NR3C2: variants seen among roughly 807,000 people sequenced by gnomAD.
The protein encoded by NR3C2 is mineralocorticoid receptor.
A neutral mutation model predicts 86.4 loss-of-function variants in NR3C2; 15 were observed. The observed-to-expected ratio is 0.17, with a 90% CI of 0.12 to 0.27. NR3C2 has a LOEUF of 0.27. NR3C2 is among the 10% of genes least tolerant of loss of function. The pLI, the probability that NR3C2 is intolerant of heterozygous loss-of-function variation, is 1.00. For missense variants in NR3C2, 960 were observed against 1,195.6 expected, an observed-to-expected ratio of 0.80 and a Z score of 2.91; for synonymous variants, 458 against 450.5, an observed-to-expected ratio of 1.02 and a Z score of -0.21.
intron 4 of NR3C2, among the ~76,000 whole-genome samples, chr4:148,180,728 A>G (rs926961710): frequency 6.6e-6 from 1 of 152,082 alleles, no homozygotes; most frequent in Non-Finnish European, 1.5e-5. Flanking sequence ...CTAATTTTGT[A>G]TTATTAGTTT....
chr4:148,153,970 T>G (rs1578946911), intron 5 of NR3C2, among the ~76,000 whole-genome samples: 1 of 152,140 alleles, frequency 6.6e-6, no homozygotes, highest in African/African-American at 2.4e-5. Context: ...TTTTCCATTT[T>G]GATCAACATA....
At chr4:148,202,219 G>C (rs928313393) in intron 3 of NR3C2, among the ~76,000 whole-genome samples, 5 of 152,196 alleles carry the variant, frequency 3.3e-5, no homozygotes, top group African/African-American at 9.7e-5. Context: ...CAGAGAGGTG[G>C]TGCTGGGGCC....
intron 8 of NR3C2, among the ~76,000 whole-genome samples, chr4:148,113,492 G>A (rs1408288678): frequency 6.6e-6 from 1 of 151,946 alleles, no homozygotes; most frequent in African/African-American, 2.4e-5. Context: ...TGCTGCAAAT[G>A]AGGTTTGTTC....
At position 148,081,305 on chromosome 4, in the gene NR3C2, AG is replaced by A. The variant is rs35832836; in HGVS notation, c.*38del. The A allele has an allele frequency of 6.2e-7, 1 of 1,613,964 alleles. No homozygotes were observed. Among genetic ancestry groups the A allele is most frequent in the African/African-American group, 1.3e-5 (1 of 74,944 alleles). ...GGTCCTTCTGGGTGTGGAACAACAC[AG>A]GGAAACTTAAGGCAAAGTTCTTCTG... On this transcript the variant is annotated 3_prime_UTR_variant, in exon 9 of 9. Coordinates refer to ENST00000358102, the MANE Select transcript of NR3C2 (RefSeq NM_000901.5).
intron 2 of NR3C2, among the ~76,000 whole-genome samples, chr4:148,342,113 T>C (rs1744775977): frequency 6.6e-6 from 1 of 152,098 alleles, no homozygotes. Flanking sequence ...GTCCCACTGA[T>C]AACAACAGAG....
intron 2 of NR3C2, among the ~76,000 whole-genome samples, chr4:148,308,636 G>A (rs2047378075): frequency 2.0e-5 from 3 of 152,142 alleles, no homozygotes; most frequent in African/African-American, 4.8e-5. Context: ...AGAAATCACA[G>A]CTAAAAGGAA....
intron 2 of NR3C2, among the ~76,000 whole-genome samples, chr4:148,353,019 T>TA (rs1745372711): frequency 6.6e-6 from 1 of 152,158 alleles, no homozygotes; most frequent in Non-Finnish European, 1.5e-5. Flanking sequence ...AAAAGCTGTT[T>TA]GTATAGATTA....
intron 4 of NR3C2, among the ~76,000 whole-genome samples, chr4:148,172,936 T>C (rs1735200883): frequency 6.6e-6 from 1 of 152,192 alleles, no homozygotes; most frequent in Non-Finnish European, 1.5e-5. Context: ...ATTGCAAAAC[T>C]GTCTAAAAGG....
intron 2 of NR3C2, among the ~76,000 whole-genome samples, chr4:148,373,684 G>A (rs1746532208): frequency 6.6e-6 from 1 of 151,764 alleles, no homozygotes; most frequent in Non-Finnish European, 1.5e-5. Context: ...TACTGTATTG[G>A]CCAGGATGGT....
intron 2 of NR3C2, among the ~76,000 whole-genome samples, chr4:148,342,008 A>G (rs1744770955): frequency 6.6e-6 from 1 of 152,126 alleles, no homozygotes; most frequent in South Asian, 2.1e-4. Flanking sequence ...CTGGATTTAC[A>G]TAGTCTCTTC....
intron 3 of NR3C2, among the ~76,000 whole-genome samples, chr4:148,212,058 C>T (rs1013511139): frequency 6.6e-6 from 1 of 152,134 alleles, no homozygotes; most frequent in Non-Finnish European, 1.5e-5. Flanking sequence ...GAAATATCTC[C>T]TCTCTCTAAA....
At chr4:148,170,772 A>G (rs919343986) in intron 4 of NR3C2, among the ~76,000 whole-genome samples, 14 of 152,362 alleles carry the variant, frequency 9.2e-5, no homozygotes, top group African/African-American at 2.9e-4. Flanking sequence ...CTAGACGCCA[A>G]AGTCTTAGTA....
At chr4:148,116,672 T>C (rs141928435) in intron 7 of NR3C2, among the ~76,000 whole-genome samples, 69 of 152,280 alleles carry the variant, frequency 4.5e-4, no homozygotes, top group African/African-American at 1.4e-3. Flanking sequence ...CATAAAATGC[T>C]TTACCTATGT....
chr4:148,318,218 T>C (rs977778003), intron 2 of NR3C2, among the ~76,000 whole-genome samples: 6 of 151,342 alleles, frequency 4.0e-5, no homozygotes, highest in Non-Finnish European at 5.9e-5. Context: ...TCATTTTTTA[T>C]GGCTGCATAG....
At chr4:148,240,251 T>C (rs1252545972) in intron 3 of NR3C2, among the ~76,000 whole-genome samples, 1 of 147,728 alleles carries the variant, frequency 6.8e-6, no homozygotes, top group Non-Finnish European at 1.5e-5. Flanking sequence ...TATATATATA[T>C]TTATATATAA....
intron 2 of NR3C2, among the ~76,000 whole-genome samples, chr4:148,294,814 A>C (rs1741967059): frequency 6.6e-6 from 1 of 150,712 alleles, no homozygotes; most frequent in Non-Finnish European, 1.5e-5. Context: ...CTGTCTCTAC[A>C]AAAAAAAATA....
At chr4:148,250,105 T>C (rs1379779770) in intron 3 of NR3C2, among the ~76,000 whole-genome samples, 2 of 152,198 alleles carry the variant, frequency 1.3e-5, no homozygotes, top group Non-Finnish European at 2.9e-5. Context: ...AAAAAATGTA[T>C]TTATATTTTA....
At chr4:148,189,738 G>A (rs900986219) in intron 4 of NR3C2, among the ~76,000 whole-genome samples, 3 of 152,108 alleles carry the variant, frequency 2.0e-5, no homozygotes, top group Admixed American at 2.0e-4. Context: ...TCTGCTCAAG[G>A]TATCTAATTC....
intron 3 of NR3C2, among the ~76,000 whole-genome samples, chr4:148,239,266 CATT>C (rs1738897960): frequency 6.6e-6 from 1 of 152,200 alleles, no homozygotes; most frequent in Non-Finnish European, 1.5e-5. Flanking sequence ...GTATCAGCAA[CATT>C]ATTAAATGCC....
Sources: gnomAD v4.1 joint callset for allele counts (sites outside exome capture counted in the v4.1 genomes callset) on GRCh38, gnomAD v4.1.1 for gene constraint, MANE v1.5 for transcripts, NCBI Gene and HGNC (gene_info 2026-07-23, HGNC 2026-07-21) for gene names.